Variants in SLC24A2 observed in about 807,000 individuals in gnomAD.
SLC24A2 encodes solute carrier family 24 member 2, also known as sodium/potassium/calcium exchanger 2.
Under a neutral mutation model 62.0 loss-of-function variants are expected in SLC24A2, and 36 were observed. The observed-to-expected ratio is 0.58, with a 90% confidence interval of 0.44 to 0.77. SLC24A2 has a LOEUF of 0.77. SLC24A2 is among the 30% of genes least tolerant of loss of function. The pLI, the probability that SLC24A2 is intolerant of heterozygous loss-of-function variation, is 0.00. For synonymous variants in SLC24A2, 358 were observed against 294.0 expected (o/e 1.22, Z -2.23); for missense variants, 846 against 817.9 (o/e 1.03, Z -0.42).
intron 5 of SLC24A2, among the ~76,000 whole-genome samples, chr9:19,587,891 A>G (rs1836422271): frequency 6.6e-6 from 1 of 152,212 alleles, no homozygotes; most frequent in Non-Finnish European, 1.5e-5. Flanking sequence ...TACTGCTGAC[A>G]GTTTAGATCA....
At chr9:20,066,429 G>C in the SLC24A2 span, among the ~76,000 whole-genome samples, 1 of 152,134 alleles carries the variant, frequency 6.6e-6, no homozygotes, top group Non-Finnish European at 1.5e-5. Flanking sequence ...GGGGGGAAAC[G>C]GGAAATTAAG....
the SLC24A2 span, among the ~76,000 whole-genome samples, chr9:20,107,064 CAGAG>C: frequency 3.3e-5 from 5 of 152,048 alleles, no homozygotes; most frequent in Admixed American, 3.3e-4. Flanking sequence ...AACAGACAAA[CAGAG>C]AGCCATGAGT....
chr9:20,001,305 G>A, the SLC24A2 span, among the ~76,000 whole-genome samples: 4 of 152,138 alleles, frequency 2.6e-5, no homozygotes, highest in South Asian at 2.1e-4. Context: ...GCCTCACAAC[G>A]CACCCTCTCA....
the SLC24A2 span, among the ~76,000 whole-genome samples, chr9:20,284,800 C>T: frequency 6.6e-6 from 1 of 152,104 alleles, no homozygotes; most frequent in Admixed American, 6.5e-5. Context: ...TATCTTACTT[C>T]CCTTCACTGA....
At chr9:19,939,727 G>A in the SLC24A2 span, among the ~76,000 whole-genome samples, 2 of 152,166 alleles carry the variant, frequency 1.3e-5, no homozygotes, top group Non-Finnish European at 1.5e-5. Context: ...TTTCAGCTTC[G>A]TTATAATCTT....
chr9:20,251,314 G>A, the SLC24A2 span, among the ~76,000 whole-genome samples: 79 of 139,314 alleles, frequency 5.7e-4, 1 homozygote, highest in Middle Eastern at 3.5e-3. Flanking sequence ...ATCCTTTATA[G>A]AAGCAGAATG....
At chr9:20,206,888 G>GA in the SLC24A2 span, among the ~76,000 whole-genome samples, 398 of 150,382 alleles carry the variant, frequency 2.6e-3, 4 homozygotes, top group South Asian at 0.015. Flanking sequence ...AGTTGGGGGG[G>GA]GCGGTTACGG....
upstream of SLC24A2, among the ~76,000 whole-genome samples, chr9:19,791,644 TCA>T (rs1345288614): frequency 2.0e-5 from 3 of 152,194 alleles, no homozygotes; most frequent in Non-Finnish European, 4.4e-5. Flanking sequence ...TTTGTCCAAA[TCA>T]CACTACGTGG....
At chr9:19,843,227 G>A in the SLC24A2 span, among the ~76,000 whole-genome samples, 1 of 152,182 alleles carries the variant, frequency 6.6e-6, no homozygotes, top group Admixed American at 6.5e-5. Context: ...TGGGCCAGGC[G>A]CAGTGGCTTG....
At chr9:19,905,925 G>T in the SLC24A2 span, among the ~76,000 whole-genome samples, 3 of 152,134 alleles carry the variant, frequency 2.0e-5, no homozygotes, top group Admixed American at 6.5e-5. Flanking sequence ...CAACGAGACA[G>T]AAAGTTAACA....
intron 1 of SLC24A2, chr9:19,788,425 C>T (rs1823244384): frequency 1.1e-5 from 9 of 823,164 alleles, no homozygotes; most frequent in African/African-American, 1.8e-5. Flanking sequence ...GAGCTGCCTC[C>T]GTAGGAGAAT....
At chr9:20,045,825 AGT>A in the SLC24A2 span, among the ~76,000 whole-genome samples, 1 of 152,202 alleles carries the variant, frequency 6.6e-6, no homozygotes, top group East Asian at 1.9e-4. Flanking sequence ...AACTACTATG[AGT>A]GTGCCTAATC....
chr9:20,055,943 T>C, the SLC24A2 span, among the ~76,000 whole-genome samples: 2,536 of 151,630 alleles, frequency 0.017, 32 homozygotes, highest in Non-Finnish European at 0.025. Flanking sequence ...CCAAAGTTCA[T>C]GTTCTTACCG....
chr9:20,046,177 G>C, the SLC24A2 span, among the ~76,000 whole-genome samples: 1 of 152,238 alleles, frequency 6.6e-6, no homozygotes, highest in Non-Finnish European at 1.5e-5. Flanking sequence ...AAGGCACTGA[G>C]GCTGAATGGC....
At chr9:19,549,648 T>A (rs984129986) in intron 8 of SLC24A2, among the ~76,000 whole-genome samples, 1 of 152,176 alleles carries the variant, frequency 6.6e-6, no homozygotes, top group Non-Finnish European at 1.5e-5. Context: ...AACCTTTGAA[T>A]CATTTCTGCC....
intron 2 of SLC24A2, among the ~76,000 whole-genome samples, chr9:19,690,920 A>T (rs201429971): frequency 1.6e-5 from 1 of 62,362 alleles, no homozygotes; most frequent in African/African-American, 3.1e-5. Context: ...TGTGCGTGTG[A>T]GAGAGAGAGA....
At chr9:19,885,564 G>C in the SLC24A2 span, among the ~76,000 whole-genome samples, 1 of 152,152 alleles carries the variant, frequency 6.6e-6, no homozygotes, top group Non-Finnish European at 1.5e-5. Context: ...TGGTGTAGTG[G>C]TAACTAAGCA....
chr9:20,173,712 A>G, the SLC24A2 span, among the ~76,000 whole-genome samples: 1 of 152,124 alleles, frequency 6.6e-6, no homozygotes, highest in Non-Finnish European at 1.5e-5. Flanking sequence ...ACACAAACAA[A>G]TGGAAACATG....
At chr9:19,969,183 C>CCACACACACACACACACACA in the SLC24A2 span, among the ~76,000 whole-genome samples, 84 of 122,272 alleles carry the variant, frequency 6.9e-4, no homozygotes, top group South Asian at 1.3e-3. Context: ...ACCTCCTTTG[C>CCACACACACACACACACACA]CACACACACA....
Sources: allele counts gnomAD v4.1 joint callset (sites outside exome capture counted in the v4.1 genomes callset), GRCh38; gene constraint gnomAD v4.1.1; transcripts MANE v1.5; gene names NCBI Gene and HGNC (gene_info 2026-07-23, HGNC 2026-07-21).